Variants in SACM1L observed in about 807,000 individuals in gnomAD.
SACM1L encodes SAC1 like phosphatidylinositide phosphatase.
In SACM1L, 32 loss-of-function variants were observed where a neutral mutation model predicts 89.5. The ratio of observed to expected loss-of-function variants is 0.36; its 90% CI spans 0.27 to 0.48. The LOEUF is 0.48. SACM1L is among the 20% of genes least tolerant of loss of function. The pLI is 0.99. For synonymous variants in SACM1L, 213 were observed against 232.8 expected (o/e 0.92, Z 0.77); for missense variants, 543 against 708.5 (o/e 0.77, Z 2.65).
Position 45,706,873 on chromosome 3 carries a change from A to C in SACM1L, c.299A>C (p.Tyr100Ser), listed in dbSNP as rs1181029098. The change falls in exon 4 of 20, where the codon TAT (tyrosine) becomes TCT (serine). Residue 100 changes from tyrosine (Y) to serine (S), a missense_variant. Tyr to Ser is a moderately radical substitution (Grantham distance 144). Transcript: ENST00000389061. ...WKATDFDVLS[Y>S]KKTMLHLTDI... ...GCAACAGATTTTGATGTCCTTTCTTATAAGAAGACAATGTTGCACTTAACT... is the reference window on the plus strand; with the variant it reads ...GCAACAGATTTTGATGTCCTTTCTTCTAAGAAGACAATGTTGCACTTAACT... 7.4e-6 allele frequency: 12 copies of C among 1,613,332 alleles called. No individual in the cohort carries two copies. The highest frequency in any genetic ancestry group is 9.3e-6 in the Non-Finnish European group (11 of 1,179,574).
chr3:45,723,082 GT>G (rs369478052), intron 10 of SACM1L, 127 bp downstream of exon 10: 2 of 808,178 alleles, frequency 2.5e-6, no homozygotes, highest in East Asian at 5.6e-5. Flanking sequence ...ATTCTTCTTG[GT>G]TCCGGCACAT....
At chr3:45,689,580 C>G in intron 1 of SACM1L, 83 bp downstream of exon 1, 1 of 1,463,506 alleles carries the variant, frequency 6.8e-7, no homozygotes, top group East Asian at 2.5e-5. Flanking sequence ...GCTTCTGAGT[C>G]CCGGATTGCA....
intron 1 of SACM1L, 53 bp downstream of exon 1, chr3:45,689,550 G>T: frequency 6.5e-7 from 1 of 1,541,646 alleles, no homozygotes. Context: ...CGGCAGGTGC[G>T]GGCCCTGGCC....
intron 7 of SACM1L, among the ~76,000 whole-genome samples, chr3:45,717,873 G>A (rs1233692249): frequency 1.3e-5 from 2 of 152,198 alleles, no homozygotes; most frequent in Non-Finnish European, 2.9e-5. Context: ...CCATGATGGT[G>A]CCACTGCACT....
intron 8 of SACM1L, among the ~76,000 whole-genome samples, 176 bp from the exon 9 acceptor site, chr3:45,721,824 G>T (rs1698794391): frequency 6.6e-6 from 1 of 152,066 alleles, no homozygotes; most frequent in Admixed American, 6.5e-5. Flanking sequence ...AAGTGAGCAA[G>T]CTTGTGTTAG....
intron 5 of SACM1L, 101 bp from the exon 6 acceptor site, chr3:45,713,036 G>T (rs1363720855): frequency 2.2e-6 from 2 of 903,764 alleles, no homozygotes; most frequent in Non-Finnish European, 3.4e-6. Flanking sequence ...AAAGAAACTG[G>T]CTTCTAGCCA....
chr3:45,739,548 C>T (rs1294787875), intron 18 of SACM1L, 39 bp from the exon 19 acceptor site: 4 of 1,596,060 alleles, frequency 2.5e-6, no homozygotes, highest in Non-Finnish European at 3.4e-6. Context: ...CATTGATTAG[C>T]ATTCTTAAAT....
Position 45,722,899 on chromosome 3 carries a change from C to T in SACM1L, c.796C>T (p.Gln266Ter). 2 of 1,613,524 alleles carry T rather than the reference C, an allele frequency of 1.2e-6. No individual in the cohort carries two copies. Among genetic ancestry groups the T allele is most frequent in the Non-Finnish European group, 1.7e-6 (2 of 1,179,630 alleles). ...AGGATCAATACCTGTTTTCTGGTCC[C>T]AAAGACCAAACCTCAAGTACAAACC... ...TRGSIPVFWS[Q>*]RPNLKYKPLP... The change falls in exon 10 of 20, where the codon CAA (glutamine) becomes TAA (stop). Residue 266 changes from glutamine (Q) to a stop codon, truncating the protein, a stop_gained. Transcript: ENST00000389061. LOFTEE classifies it high-confidence loss of function.
intron 13 of SACM1L, among the ~76,000 whole-genome samples, chr3:45,733,723 G>A (rs1347994915): frequency 1.3e-5 from 2 of 152,202 alleles, no homozygotes; most frequent in Non-Finnish European, 2.9e-5. Context: ...TCCATACACT[G>A]TGCTAAGTAC....
chr3:45,743,761 C>CT lies in SACM1L; in HGVS notation c.*97dup. 1 of 1,353,378 alleles carries CT rather than the reference C, an allele frequency of 7.4e-7. No homozygotes were observed. Among genetic ancestry groups the CT allele is most frequent in the African/African-American group, 1.5e-5 (1 of 68,512 alleles). 83.8% of individuals were successfully genotyped at this position (1,353,378 alleles called of 1,614,324 possible). A position where few individuals can be genotyped will look rare whatever the true frequency, so the allele number is the denominator to read the frequency against. On this transcript the variant is annotated 3_prime_UTR_variant, in exon 20 of 20. Coordinates refer to ENST00000389061, the MANE Select transcript of SACM1L (RefSeq NM_014016.5). ...CCCGCTTTCCACATCAGCCCAAGGT[C>CT]TTTTTAATGCCTTTATCCAAAAGCA...
At position 45,706,786 on chromosome 3, in the gene SACM1L, A is replaced by G. The variant is rs1415067261; in HGVS notation, c.212A>G (p.Tyr71Cys). 15 of 1,607,156 alleles carry G rather than the reference A, an allele frequency of 9.3e-6. No individual in the cohort carries two copies. In the African/African-American group the frequency reaches 1.1e-4, roughly 11 times the overall value. The change falls in exon 4 of 20, where the codon TAT becomes TGT. Residue 71 changes from tyrosine to cysteine, a missense_variant. Coordinates refer to ENST00000389061, the MANE Select transcript of SACM1L (RefSeq NM_014016.5). Reference protein sequence around the residue: ...LGTIHLVAGNYLIVITKKIKV... With the variant: ...LGTIHLVAGNCLIVITKKIKV... ...TTTGGCTTGCTTTTTGCAGGTAATTATCTTATAGTCATTACCAAAAAGATA... is the reference window on the plus strand; with the variant it reads ...TTTGGCTTGCTTTTTGCAGGTAATTGTCTTATAGTCATTACCAAAAAGATA...
intron 1 of SACM1L, among the ~76,000 whole-genome samples, chr3:45,699,811 C>T (rs1204807677): frequency 6.6e-6 from 1 of 151,944 alleles, no homozygotes; most frequent in Non-Finnish European, 1.5e-5. Flanking sequence ...TGTGAGCCAC[C>T]GCGCCCAGCC....
intron 16 of SACM1L, among the ~76,000 whole-genome samples, 163 bp from the exon 17 acceptor site, chr3:45,738,415 C>T (rs1260238142): frequency 6.6e-6 from 1 of 152,164 alleles, no homozygotes; most frequent in Non-Finnish European, 1.5e-5. Context: ...ATAGGTATTT[C>T]TTGGACCTAC....
chr3:45,712,141 C>T (rs1698544050), intron 5 of SACM1L, among the ~76,000 whole-genome samples: 2 of 151,944 alleles, frequency 1.3e-5, no homozygotes, highest in Non-Finnish European at 2.9e-5. Flanking sequence ...TGGTCAAGTG[C>T]AAAAGCCATT....
intron 3 of SACM1L, among the ~76,000 whole-genome samples, chr3:45,705,496 A>ATTTTTTTTTT (rs36040487): frequency 9.7e-6 from 1 of 103,226 alleles, no homozygotes. Flanking sequence ...TGTAAATAAA[A>ATTTTTTTTTT]TTTTTTTTTT....
At chr3:45,723,904 T>A (rs1442959268) in intron 11 of SACM1L, among the ~76,000 whole-genome samples, 1 of 152,250 alleles carries the variant, frequency 6.6e-6, no homozygotes, top group African/African-American at 2.4e-5. Flanking sequence ...TTTCATTCTT[T>A]TTTTAAGACT....
intron 7 of SACM1L, among the ~76,000 whole-genome samples, chr3:45,717,309 C>A (rs1698684553): frequency 6.6e-6 from 1 of 152,206 alleles, no homozygotes; most frequent in Non-Finnish European, 1.5e-5. Context: ...CACAGTACCA[C>A]GTTAGAGCAA....
At position 45,719,558 on chromosome 3, in the gene SACM1L, G is replaced by A. The variant is rs1361748182; in HGVS notation, c.636G>A (p.Ser212=). ...NGKYFDWILI[S]RRSCFRAGVR... is the part of the protein sequence containing the mutation. ...AATACTTTGATTGGATTCTCATCTC[G>A]AGGAGGAGCTGTTTCAGAGCTGGTG... Residue 212 remains serine (S), a synonymous_variant, in exon 8 of 20, where the codon TCG becomes TCA. Transcript: ENST00000389061. The A allele has an allele frequency of 7.4e-6, 12 of 1,612,148 alleles. No individual in the cohort carries two copies. The East Asian group carries it at 1.8e-4, about 24-fold the overall frequency.
At chr3:45,731,925 A>G in intron 12 of SACM1L, 128 bp from the exon 13 acceptor site, 1 of 587,912 alleles carries the variant, frequency 1.7e-6, no homozygotes, top group East Asian at 2.8e-5. Flanking sequence ...AGAGTGAAGG[A>G]GGTTCTAGTG....
Sources: allele counts gnomAD v4.1 joint callset (sites outside exome capture counted in the v4.1 genomes callset), GRCh38; gene constraint gnomAD v4.1.1; transcripts MANE v1.5; gene names NCBI Gene and HGNC (gene_info 2026-07-23, HGNC 2026-07-21).